The following WDR70 variants were observed in gnomAD, a reference collection of about 807,000 sequenced individuals.
WDR70 encodes the protein WD repeat domain 70.
Under a neutral mutation model 88.6 loss-of-function variants are expected in WDR70, and 53 were observed. The observed-to-expected ratio is 0.60, with a 90% CI of 0.48 to 0.75. The LOEUF is 0.75. Among genes scored for constraint, WDR70 ranks in the 30% least tolerant of loss-of-function variants. The pLI, the probability that WDR70 is intolerant of heterozygous loss-of-function variation, is 0.00. For missense variants in WDR70, 610 were observed against 823.2 expected (o/e 0.74, Z 3.17); for synonymous variants, 280 against 270.0 (o/e 1.04, Z -0.36).
intron 8 of WDR70, among the ~76,000 whole-genome samples, chr5:37,480,229 T>C (rs932293559): frequency 6.6e-6 from 1 of 152,220 alleles, no homozygotes; most frequent in Non-Finnish European, 1.5e-5. Flanking sequence ...TCCTGCTCCA[T>C]GGCATCTCTC....
intron 8 of WDR70, among the ~76,000 whole-genome samples, chr5:37,516,261 A>T (rs1740880205): frequency 6.6e-6 from 1 of 152,178 alleles, no homozygotes; most frequent in Non-Finnish European, 1.5e-5. Context: ...CACCTTACTA[A>T]GCACCTGTTA....
intron 5 of WDR70, among the ~76,000 whole-genome samples, chr5:37,404,749 T>C (rs1309095683): frequency 6.6e-6 from 1 of 152,212 alleles, no homozygotes; most frequent in East Asian, 1.9e-4. Context: ...GTTCCTTCTC[T>C]AAGTTATTGC....
chr5:37,415,623 C>T (rs1345864762), intron 5 of WDR70, among the ~76,000 whole-genome samples: 1 of 149,288 alleles, frequency 6.7e-6, no homozygotes, highest in African/African-American at 2.5e-5. Flanking sequence ...TGACCCCCCC[C>T]ACCTCCCTCC....
At chr5:37,540,062 AG>A (rs1397572689) in intron 9 of WDR70, among the ~76,000 whole-genome samples, 1 of 152,254 alleles carries the variant, frequency 6.6e-6, no homozygotes, top group African/African-American at 2.4e-5. Context: ...AGTTGTTATC[AG>A]AATTTAGAAT....
intron 8 of WDR70, among the ~76,000 whole-genome samples, chr5:37,484,227 T>G (rs1474130500): frequency 5.9e-5 from 9 of 152,162 alleles, no homozygotes; most frequent in African/African-American, 2.2e-4. Flanking sequence ...CGGTTGTAGC[T>G]AGCCGAGATC....
At chr5:37,422,023 T>A (rs1156803232) in intron 5 of WDR70, among the ~76,000 whole-genome samples, 1 of 152,048 alleles carries the variant, frequency 6.6e-6, no homozygotes, top group Non-Finnish European at 1.5e-5. Flanking sequence ...CAGGCCATCC[T>A]TCTCCCTGGC....
intron 10 of WDR70, among the ~76,000 whole-genome samples, chr5:37,675,644 C>G (rs866270308): frequency 0.016 from 2,488 of 151,992 alleles, 48 homozygotes; most frequent in African/African-American, 0.047. Context: ...TAGCCTTGTA[C>G]TATAGTTTGA....
chr5:37,563,120 CG>C lies in WDR70; in HGVS notation c.918-41938del, dbSNP rs1362148017. Among the ~76,000 whole-genome samples the C allele has an allele frequency of 1.2e-4, 8 of 65,606 alleles. 2 individuals carry two copies. Among genetic ancestry groups the C allele is most frequent in the African/African-American group, 3.4e-4 (8 of 23,256 alleles). 43.0% of individuals were successfully genotyped at this position (65,606 alleles called of 152,430 possible). ...CTCCCGGACGGGGCGGCTGGCTGGG[CG>C]GGGGGCTGACCTCCCGGCCTCCCTC... On this transcript the variant is annotated intron_variant, in intron 9 of 17. Coordinates refer to ENST00000265107, the MANE Select transcript of WDR70 (RefSeq NM_018034.4).
intron 5 of WDR70, among the ~76,000 whole-genome samples, chr5:37,409,624 C>G (rs984724466): frequency 6.6e-6 from 1 of 151,934 alleles, no homozygotes; most frequent in Non-Finnish European, 1.5e-5. Context: ...CCCGCCTCAG[C>G]TTCCCGAGTA....
intron 17 of WDR70, among the ~76,000 whole-genome samples, chr5:37,742,781 A>G (rs1748521570): frequency 6.6e-6 from 1 of 152,172 alleles, no homozygotes. Flanking sequence ...TTGTATGTGG[A>G]TATACACTTT....
At chr5:37,422,293 TC>T (rs1749967455) in intron 5 of WDR70, among the ~76,000 whole-genome samples, 1 of 105,038 alleles carries the variant, frequency 9.5e-6, no homozygotes, top group African/African-American at 2.6e-5. Context: ...TTTCCTTTTT[TC>T]TTTTTTTTTT....
chr5:37,581,657 T>C (rs1354589659), intron 9 of WDR70, among the ~76,000 whole-genome samples: 1 of 152,214 alleles, frequency 6.6e-6, no homozygotes, highest in Non-Finnish European at 1.5e-5. Context: ...CATGTTTTAA[T>C]GTTTGTTAGA....
intron 10 of WDR70, among the ~76,000 whole-genome samples, chr5:37,659,182 A>G (rs1441940157): frequency 6.6e-6 from 1 of 152,204 alleles, no homozygotes; most frequent in Non-Finnish European, 1.5e-5. Flanking sequence ...AGTGGCATAT[A>G]CTATATACAG....
chr5:37,476,776 T>C (rs896147758), intron 7 of WDR70, among the ~76,000 whole-genome samples: 2 of 152,360 alleles, frequency 1.3e-5, no homozygotes, highest in Admixed American at 1.3e-4. Context: ...GGTCTCGATC[T>C]CAACCTCGTG....
At chr5:37,443,842 C>T (rs1287724352) in intron 7 of WDR70, among the ~76,000 whole-genome samples, 6 of 151,042 alleles carry the variant, frequency 4.0e-5, no homozygotes, top group Non-Finnish European at 8.8e-5. Context: ...CAGAGAGAGA[C>T]TCCATCTCAA....
intron 9 of WDR70, among the ~76,000 whole-genome samples, chr5:37,589,428 A>G (rs1743463755): frequency 6.6e-6 from 1 of 152,142 alleles, no homozygotes; most frequent in Admixed American, 6.6e-5. Context: ...CATCTGGTAC[A>G]GGATTTTAAT....
intron 10 of WDR70, among the ~76,000 whole-genome samples, chr5:37,682,542 CTAACTTTTTAAT>C (rs1229353332): frequency 6.6e-6 from 1 of 152,056 alleles, no homozygotes; most frequent in Non-Finnish European, 1.5e-5. Flanking sequence ...ATCTTTCTAA[CTAACTTTTTAAT>C]GTGGGTGTTT....
chr5:37,610,393 A>G (rs1744158225), intron 10 of WDR70, among the ~76,000 whole-genome samples: 1 of 151,712 alleles, frequency 6.6e-6, no homozygotes, highest in Admixed American at 6.6e-5. Context: ...CTTTATTTAA[A>G]TGGGATCCTG....
intron 8 of WDR70, among the ~76,000 whole-genome samples, chr5:37,486,846 C>T (rs1353034467): frequency 6.7e-6 from 1 of 150,320 alleles, no homozygotes; most frequent in African/African-American, 2.5e-5. Context: ...GTTTAAGTTC[C>T]TTATCAGTGT....
Sources: allele counts gnomAD v4.1 joint callset (sites outside exome capture counted in the v4.1 genomes callset), GRCh38; gene constraint gnomAD v4.1.1; transcripts MANE v1.5; gene names NCBI Gene and HGNC (gene_info 2026-07-23, HGNC 2026-07-21).